Variants in UBR3 observed in about 807,000 individuals in gnomAD.
UBR3 encodes the protein ubiquitin protein ligase E3 component n-recognin 3.
A neutral mutation model predicts 243.2 loss-of-function variants in UBR3; 85 were observed. That is an observed-to-expected ratio of 0.35 (90% confidence interval 0.29 to 0.42). The LOEUF is 0.42. UBR3 is among the 10% of genes least tolerant of loss of function. The pLI is 1.00. For synonymous variants in UBR3, 748 were observed against 799.8 expected (o/e 0.94, Z 1.09); for missense variants, 1,686 against 2,300.8 (o/e 0.73, Z 5.47).
chr2:170,065,927 C>T (rs2091557467), intron 35 of UBR3, among the ~76,000 whole-genome samples: 1 of 150,564 alleles, frequency 6.6e-6, no homozygotes, highest in Non-Finnish European at 1.5e-5. Context: ...AGGTAGTGCC[C>T]TACCCCACCC....
Position 169,924,119 on chromosome 2 carries a change from T to A in UBR3, c.1968T>A (p.Val656=). ...GTCAAGAACTAGATTTGGATTCTGT[T>A]TTACCAGATCAGGAAATGTTAATGA... is the stretch of plus-strand genomic sequence containing the variant. ...VKCQELDLDS[V]LPDQEMLMKL... is the part of the protein sequence containing the mutation. Residue 656 remains valine, a synonymous_variant, in exon 13 of 39, where the codon GTT becomes GTA. Transcript: ENST00000272793. The A allele has an allele frequency of 3.2e-6, 5 of 1,548,782 alleles. No individual in the cohort carries two copies. The highest frequency in any genetic ancestry group is 4.4e-6 in the Non-Finnish European group (5 of 1,146,182).
At chr2:169,949,440 T>C (rs2086919694) in intron 22 of UBR3, 165 bp from the exon 23 acceptor site, 1 of 613,994 alleles carries the variant, frequency 1.6e-6, no homozygotes, top group African/African-American at 1.9e-5. Context: ...TTAAATATAT[T>C]TGAGAGAGAG....
At chr2:170,008,177 A>G (rs1213887124) in intron 28 of UBR3, among the ~76,000 whole-genome samples, 5 of 152,156 alleles carry the variant, frequency 3.3e-5, no homozygotes, top group Non-Finnish European at 7.4e-5. Context: ...TTTCACCTTC[A>G]TAAAAAAAAA....
At chr2:169,967,890 T>G (rs1285651974) in intron 24 of UBR3, among the ~76,000 whole-genome samples, 1 of 151,510 alleles carries the variant, frequency 6.6e-6, no homozygotes, top group Non-Finnish European at 1.5e-5. Flanking sequence ...TATATAATTA[T>G]GTATATTGAG....
At chr2:169,868,341 A>T (rs940367947) in intron 1 of UBR3, among the ~76,000 whole-genome samples, 3 of 152,080 alleles carry the variant, frequency 2.0e-5, no homozygotes, top group Non-Finnish European at 2.9e-5. Context: ...TACTTTTTTT[A>T]AATTTTTTAT....
intron 1 of UBR3, among the ~76,000 whole-genome samples, chr2:169,852,946 T>C (rs2105294713): frequency 6.6e-6 from 1 of 152,072 alleles, no homozygotes; most frequent in African/African-American, 2.4e-5. Context: ...TTTATGTTTT[T>C]TTCTCAACCA....
chr2:170,067,090 C>T (rs1574474719), intron 35 of UBR3, among the ~76,000 whole-genome samples: 1 of 152,062 alleles, frequency 6.6e-6, no homozygotes, highest in East Asian at 1.9e-4. Flanking sequence ...ATTCACACCT[C>T]GTAAGTAAAG....
intron 1 of UBR3, among the ~76,000 whole-genome samples, chr2:169,863,575 T>C (rs936354899): frequency 6.6e-6 from 1 of 152,240 alleles, no homozygotes; most frequent in Non-Finnish European, 1.5e-5. Context: ...CTAATGTGAA[T>C]GTATTACTTC....
chr2:169,828,752 CAA>C (rs2081830950), intron 1 of UBR3, among the ~76,000 whole-genome samples: 1 of 152,176 alleles, frequency 6.6e-6, no homozygotes, highest in East Asian at 1.9e-4. Context: ...GGAGAACAAA[CAA>C]AATACTGAGC....
intron 25 of UBR3, among the ~76,000 whole-genome samples, chr2:169,989,701 C>T (rs1478042421): frequency 6.6e-6 from 1 of 152,132 alleles, no homozygotes; most frequent in Non-Finnish European, 1.5e-5. Flanking sequence ...CTTTTATTTA[C>T]AGGTGCTCAA....
At chr2:169,967,237 C>A (rs1286433762) in intron 24 of UBR3, among the ~76,000 whole-genome samples, 1 of 132,150 alleles carries the variant, frequency 7.6e-6, no homozygotes, top group African/African-American at 2.8e-5. Context: ...TATGCCCCCC[C>A]CACCCCCCTA....
At chr2:170,041,849 A>T (rs761410117) in intron 32 of UBR3, among the ~76,000 whole-genome samples, 12 of 152,230 alleles carry the variant, frequency 7.9e-5, no homozygotes, top group Non-Finnish European at 1.6e-4. Flanking sequence ...GCAAATTATG[A>T]TATTTCATGC....
chr2:169,979,071 A>G (rs1365204780), intron 24 of UBR3, among the ~76,000 whole-genome samples: 1 of 152,248 alleles, frequency 6.6e-6, no homozygotes, highest in Non-Finnish European at 1.5e-5. Context: ...AAGAAAACAA[A>G]TAACCTAGTT....
chr2:169,873,674 TGCCCCACACC>T (rs1489835972), intron 2 of UBR3, among the ~76,000 whole-genome samples: 2 of 151,866 alleles, frequency 1.3e-5, no homozygotes, highest in Non-Finnish European at 2.9e-5. Flanking sequence ...GTGTGCCCTG[TGCCCCACACC>T]GCCCCCCAAA....
chr2:170,012,178 A>C (rs2090103642), intron 29 of UBR3, among the ~76,000 whole-genome samples: 1 of 151,988 alleles, frequency 6.6e-6, no homozygotes, highest in Non-Finnish European at 1.5e-5. Context: ...CAAATTATGA[A>C]TCTTTTTAAA....
chr2:170,073,398 T>G (rs758339551), intron 35 of UBR3, 30 bp from the exon 36 acceptor site: 1 of 1,610,590 alleles, frequency 6.2e-7, no homozygotes, highest in Non-Finnish European at 8.5e-7. Flanking sequence ...GATGAAATAT[T>G]TTCAGAATTT....
intron 36 of UBR3, chr2:170,077,077 AT>A (rs894831244): frequency 5.6e-5 from 21 of 377,826 alleles, no homozygotes; most frequent in East Asian, 2.1e-4. Context: ...TTAAGACCGA[AT>A]TTTTTTTTCC....
In UBR3 at chr2:169,940,215, T is replaced by A. The variant is rs533216297; in HGVS notation, c.2664-2278T>A. 3.9e-5 allele frequency among the ~76,000 whole-genome samples: 6 copies of A among 152,260 alleles called. No individual in the cohort carries two copies. In the East Asian group the frequency reaches 9.7e-4, roughly 25 times the overall value. ...ATATAAAATACATTATTATTAACTA[T>A]AATTTGGATGCTTAGTTGTTGATTT... is the stretch of plus-strand genomic sequence containing the variant. On this transcript the variant is annotated intron_variant, in intron 19 of 38. Transcript: ENST00000272793.
chr2:169,947,985 G>A (rs1392578617), intron 22 of UBR3: 6 of 974,482 alleles, frequency 6.2e-6, no homozygotes, highest in African/African-American at 1.8e-5. Context: ...GCTTTAACTG[G>A]AAATGGGGAA....
Sources: gnomAD v4.1 joint callset for allele counts (sites outside exome capture counted in the v4.1 genomes callset) on GRCh38, gnomAD v4.1.1 for gene constraint, MANE v1.5 for transcripts, NCBI Gene and HGNC (gene_info 2026-07-23, HGNC 2026-07-21) for gene names.